Variants in AATF observed in about 807,000 individuals in gnomAD.
AATF encodes the protein protein AATF.
AATF carries 48 observed loss-of-function variants against 63.7 expected under a neutral mutation model. The ratio of observed to expected loss-of-function variants is 0.75; its 90% CI spans 0.60 to 0.96. The LOEUF (loss-of-function observed/expected upper bound fraction) is 0.96, where lower values mean the gene tolerates loss of function less well. AATF is among the 40% of genes least tolerant of loss of function. The pLI is 0.00. For synonymous variants in AATF, 258 were observed against 247.7 expected (o/e 1.04, Z -0.39); for missense variants, 639 against 685.7 (o/e 0.93, Z 0.76).
At chr17:36,998,727 A>T (rs910047546) in intron 8 of AATF, 1 of 152,226 alleles carries the variant, frequency 6.6e-6, no homozygotes, top group Non-Finnish European at 1.5e-5. Flanking sequence ...GTCTCTAAGA[A>T]CAACAACAAA....
intron 8 of AATF, among the ~76,000 whole-genome samples, chr17:37,017,209 G>A (rs2071435325): frequency 6.6e-6 from 1 of 152,204 alleles, no homozygotes; most frequent in Non-Finnish European, 1.5e-5. Context: ...GAGAAAATTA[G>A]GAAAACCAGG....
intron 1 of AATF, among the ~76,000 whole-genome samples, chr17:36,949,481 C>A (rs886876987): frequency 1.3e-5 from 2 of 152,278 alleles, no homozygotes; most frequent in African/African-American, 4.8e-5. Flanking sequence ...TTCAGGTTTA[C>A]TTGCTCCAGG....
Position 37,048,290 on chromosome 17 carries a change from T to C in AATF, c.1620-8311T>C, listed in dbSNP as rs898391071. On this transcript the variant is annotated intron_variant, in intron 11 of 11. Coordinates refer to ENST00000619387, the MANE Select transcript of AATF (RefSeq NM_012138.4). ...ATTCTGACTAAATACTAACTCCTTA[T>C]CAGCACTGTGTCTTTTTACTTGGAT... Among the ~76,000 whole-genome samples the C allele has an allele frequency of 3.3e-5, 5 of 151,976 alleles. No individual in the cohort carries two copies. The South Asian group carries it at 1.0e-3, about 32-fold the overall frequency.
rs531818187 is a variant in AATF, at chr17:36,949,059, C to A, written c.-67C>A. The A allele has an allele frequency of 2.2e-6, 3 of 1,385,346 alleles. No individual in the cohort carries two copies. The African/African-American group carries it at 4.3e-5, about 20-fold the overall frequency. 85.8% of individuals were successfully genotyped at this position (1,385,346 alleles called of 1,614,324 possible). A position where few individuals can be genotyped will look rare whatever the true frequency, so the allele number is the denominator to read the frequency against. On this transcript the variant is annotated 5_prime_UTR_variant, in exon 1 of 12. Transcript: ENST00000619387. ...GCGAGAGGATCCGGCAGGGAAGGAG[C>A]TTCGGGGCCGGGGGTTGGGCCGCAC...
rs560776579 is a variant in AATF, at chr17:36,948,991, G to C, written c.-135G>C. 12 of 796,988 alleles carry C rather than the reference G, an allele frequency of 1.5e-5. No individual in the cohort carries two copies. The highest frequency in any genetic ancestry group is 9.5e-5 in the Admixed American group (4 of 42,254). The allele number at this position is 796,988 out of a possible 1,614,324, so 49.4% of individuals were successfully genotyped here. A position where few individuals can be genotyped will look rare whatever the true frequency, so the allele number is the denominator to read the frequency against. Reference sequence around the variant, plus strand: ...AGTGGCCGGTCCAGAGCTGTGGGGTGGCCTCCGCGCGGTCTCTGGCGGAGT... The same window carrying C: ...AGTGGCCGGTCCAGAGCTGTGGGGTCGCCTCCGCGCGGTCTCTGGCGGAGT... On this transcript the variant is annotated 5_prime_UTR_variant, in exon 1 of 12. Transcript: ENST00000619387.
intron 10 of AATF, among the ~76,000 whole-genome samples, chr17:37,029,392 C>A (rs2071535342): frequency 6.6e-6 from 1 of 150,414 alleles, no homozygotes; most frequent in Admixed American, 6.6e-5. Context: ...TACAGGCACA[C>A]ACCACCACGC....
At chr17:37,027,728 G>A (rs1239071476) in intron 10 of AATF, among the ~76,000 whole-genome samples, 2 of 152,052 alleles carry the variant, frequency 1.3e-5, no homozygotes, top group Non-Finnish European at 2.9e-5. Flanking sequence ...CAAGTCTTCA[G>A]AATCTCGTTT....
intron 4 of AATF, among the ~76,000 whole-genome samples, chr17:36,981,928 A>G (rs2071128866): frequency 6.6e-6 from 1 of 151,888 alleles, no homozygotes. Flanking sequence ...ATATATTCAC[A>G]TTGTTGTACA....
chr17:37,022,113 C>CGTGTGTGTGTGTGT lies in AATF; in HGVS notation c.1547+1125_1547+1138dup, dbSNP rs71159679. Among the ~76,000 whole-genome samples, 191 of 145,428 alleles carry CGTGTGTGTGTGTGT rather than the reference C, an allele frequency of 1.3e-3. 1 individual carries two copies. The highest frequency in any genetic ancestry group is 4.7e-3 in the African/African-American group (184 of 39,156). ...CTATACTTTTAGACTTGGTAACTGCCGTGTGTGTGTGTGTGTGTGTGTGTG... is the reference window on the plus strand; with the variant it reads ...CTATACTTTTAGACTTGGTAACTGCCGTGTGTGTGTGTGTGTGTGTGTGTGTGTGTGTGTGTGTG... On this transcript the variant is annotated intron_variant, in intron 10 of 11. Transcript: ENST00000619387.
At chr17:37,039,178 T>G (rs1332838755) in intron 11 of AATF, among the ~76,000 whole-genome samples, 1 of 152,220 alleles carries the variant, frequency 6.6e-6, no homozygotes, top group Non-Finnish European at 1.5e-5. Context: ...TTGCTCAGCA[T>G]TTGAGAACAC....
chr17:37,019,162 A>G (rs1458677381), intron 9 of AATF, 90 bp downstream of exon 9: 2 of 1,046,742 alleles, frequency 1.9e-6, no homozygotes, highest in Non-Finnish European at 3.0e-6. Flanking sequence ...CAAAGCAATG[A>G]TTGGTCCTAT....
At position 37,015,070 on chromosome 17, in the gene AATF, A is replaced by G. The variant is rs762871365; in HGVS notation, c.1399-3935A>G. ...CATTGCTTCCTTGAGTCTCTTTTCT[A>G]TTTGTTTGGTTTGTGCATGAGGATT... On this transcript the variant is annotated intron_variant, in intron 8 of 11. Transcript: ENST00000619387. Among the ~76,000 whole-genome samples, 8 of 150,886 alleles carry G rather than the reference A, an allele frequency of 5.3e-5. No homozygotes were observed. The East Asian group carries it at 9.7e-4, about 18-fold the overall frequency.
chr17:37,056,768 CTGG>C lies in AATF; in HGVS notation c.*105_*107del. ...TGGGGCTGAGCTAGTAGGGAAGCCC[CTGG>C]AAAGATGCTGCGTTCCGAACCTGTG... On this transcript the variant is annotated 3_prime_UTR_variant, in exon 12 of 12. Coordinates refer to ENST00000619387, the MANE Select transcript of AATF (RefSeq NM_012138.4). 1 of 1,292,258 alleles carries C rather than the reference CTGG, an allele frequency of 7.7e-7. No homozygotes were observed. The highest frequency in any genetic ancestry group is 1.1e-6 in the Non-Finnish European group (1 of 912,120). 80.0% of individuals were successfully genotyped at this position (1,292,258 alleles called of 1,614,324 possible). A position where few individuals can be genotyped will look rare whatever the true frequency, so the allele number is the denominator to read the frequency against.
intron 4 of AATF, among the ~76,000 whole-genome samples, chr17:36,955,908 A>G (rs1385952798): frequency 6.6e-6 from 1 of 152,102 alleles, no homozygotes; most frequent in Non-Finnish European, 1.5e-5. Context: ...TACTACAGGC[A>G]TGAGCCACCA....
At chr17:37,045,374 G>C (rs2071680666) in intron 11 of AATF, 1 of 152,408 alleles carries the variant, frequency 6.6e-6, no homozygotes, top group Non-Finnish European at 1.5e-5. Flanking sequence ...TGAGAGACAG[G>C]TGAGCAGCCA....
chr17:37,042,260 A>T (rs1302435930), intron 11 of AATF, among the ~76,000 whole-genome samples: 1 of 151,994 alleles, frequency 6.6e-6, no homozygotes, highest in Non-Finnish European at 1.5e-5. Context: ...TCTCTCCTGT[A>T]TCCCAGAACA....
At chr17:36,985,848 C>T (rs1374516213) in intron 4 of AATF, among the ~76,000 whole-genome samples, 5 of 152,092 alleles carry the variant, frequency 3.3e-5, no homozygotes, top group Admixed American at 6.5e-5. Context: ...AGCGCCCGGC[C>T]GACCAGTTTT....
chr17:37,031,454 C>T, intron 10 of AATF, 160 bp from the exon 11 acceptor site: 1 of 651,036 alleles, frequency 1.5e-6, no homozygotes, highest in Non-Finnish European at 2.8e-6. Flanking sequence ...AGTTGGTCAT[C>T]CCAATGACAG....
In AATF at chr17:37,056,636, A is replaced by G; in HGVS notation, c.1655A>G (p.His552Arg). 1 of 1,614,004 alleles carries G rather than the reference A, an allele frequency of 6.2e-7. No homozygotes were observed. ...ELYRSLFGQL[H>R]PPDEGHGD ...TACCGCTCTCTTTTTGGCCAGCTCC[A>G]CCCTCCCGACGAAGGCCACGGGGAT... is the stretch of plus-strand genomic sequence containing the variant. Residue 552 changes from histidine (H) to arginine (R), a missense_variant, in exon 12 of 12, where the codon CAC becomes CGC. By Grantham distance (29) the His-to-Arg change is conservative. Coordinates refer to ENST00000619387, the MANE Select transcript of AATF (RefSeq NM_012138.4).
Sources: gnomAD v4.1 joint callset for allele counts (sites outside exome capture counted in the v4.1 genomes callset) on GRCh38, gnomAD v4.1.1 for gene constraint, MANE v1.5 for transcripts, NCBI Gene and HGNC (gene_info 2026-07-23, HGNC 2026-07-21) for gene names.